CTPS2: variants seen among roughly 807,000 people sequenced by gnomAD.
CTPS2 encodes CTP synthase II.
Under a neutral mutation model 46.8 loss-of-function variants are expected in CTPS2, and 19 were observed. That is an observed-to-expected ratio of 0.41 (90% CI 0.28 to 0.60). The LOEUF (loss-of-function observed/expected upper bound fraction) is 0.60, where lower values mean the gene tolerates loss of function less well. Ranked by LOEUF, CTPS2 falls within the 20% of genes least tolerant of loss-of-function variation. CTPS2 has a pLI of 0.35. For missense variants in CTPS2, 286 were observed against 447.6 expected (o/e 0.64, Z 3.26); for synonymous variants, 151 against 165.2 (o/e 0.91, Z 0.66).
intron 9 of CTPS2, among the ~76,000 whole-genome samples, chrX:16,681,820 A>T (rs968274350): frequency 9.8e-5 from 11 of 111,792 alleles, no homozygotes; most frequent in African/African-American, 3.6e-4. Flanking sequence ...AAGGGCTGGG[A>T]TTACAGGCGT....
intron 13 of CTPS2, among the ~76,000 whole-genome samples, chrX:16,645,215 G>A (rs1366184924): frequency 2.8e-5 from 3 of 106,929 alleles, no homozygotes; most frequent in East Asian, 2.9e-4. Context: ...GGATGGTCTC[G>A]ATCTCCTGAC....
intron 17 of CTPS2, among the ~76,000 whole-genome samples, chrX:16,608,143 G>T (rs1374061492): frequency 9.0e-6 from 1 of 111,096 alleles, no homozygotes; most frequent in Non-Finnish European, 1.9e-5. Context: ...AACCTGGGAG[G>T]TGGAGGTTGC....
At chrX:16,660,218 T>A (rs1932912701) in intron 13 of CTPS2, among the ~76,000 whole-genome samples, 1 of 108,315 alleles carries the variant, frequency 9.2e-6, no homozygotes, top group Non-Finnish European at 1.9e-5. Flanking sequence ...TTTCTTTCTT[T>A]CTTTCTTTCT....
intron 17 of CTPS2, among the ~76,000 whole-genome samples, chrX:16,593,429 A>C (rs1352619435): frequency 4.4e-5 from 4 of 90,200 alleles, no homozygotes; most frequent in Non-Finnish European, 6.4e-5. Context: ...ACTCTGTCTC[A>C]AAAAAAAAAA....
chrX:16,709,848 CAAAAAAAA>C (rs35017705), intron 1 of CTPS2, among the ~76,000 whole-genome samples: 3 of 23,752 alleles, frequency 1.3e-4, no homozygotes, highest in Admixed American at 7.7e-4. Flanking sequence ...ACTCTGTCTC[CAAAAAAAA>C]AAAAAAAAAA....
chrX:16,630,953 T>C (rs1602163452), intron 14 of CTPS2, among the ~76,000 whole-genome samples: 1 of 112,964 alleles, frequency 8.9e-6, no homozygotes, highest in African/African-American at 3.2e-5. Flanking sequence ...CAAAGATATT[T>C]ACTATCTGGT....
intron 15 of CTPS2, 76 bp downstream of exon 15, chrX:16,620,201 G>C (rs1196863729): frequency 1.1e-6 from 1 of 875,283 alleles, no homozygotes; most frequent in African/African-American, 2.0e-5. Flanking sequence ...ACCTTTTCCA[G>C]AGGCTCAGCT....
intron 4 of CTPS2, among the ~76,000 whole-genome samples, chrX:16,694,378 G>T (rs1017975680): frequency 9.0e-6 from 1 of 110,836 alleles, no homozygotes; most frequent in South Asian, 3.8e-4. Context: ...GTCCAAGAGA[G>T]ATGCATCCTC....
chrX:16,678,506 T>C, intron 9 of CTPS2, 56 bp from the exon 10 acceptor site: 1 of 721,664 alleles, frequency 1.4e-6, no homozygotes, highest in Non-Finnish European at 2.1e-6. Flanking sequence ...CACTCAAAAA[T>C]ACTGCAGCCA....
intron 15 of CTPS2, 79 bp from the exon 16 acceptor site, chrX:16,617,325 G>C: frequency 2.9e-6 from 2 of 685,010 alleles, no homozygotes; most frequent in Admixed American, 2.8e-5. Context: ...CAGTTGGGTG[G>C]GTTTTCCATT....
At chrX:16,686,412 GCC>G (rs35172907) in intron 8 of CTPS2, among the ~76,000 whole-genome samples, 23 of 108,305 alleles carry the variant, frequency 2.1e-4, no homozygotes, top group Non-Finnish European at 7.7e-5. Context: ...TTGAATGGTG[GCC>G]CCCCCCCAAA....
At chrX:16,687,474 CA>C (rs35798035) in intron 8 of CTPS2, among the ~76,000 whole-genome samples, 337 of 44,392 alleles carry the variant, frequency 7.6e-3, no homozygotes, top group African/African-American at 0.019. Context: ...CACCCTGTGT[CA>C]AAAAAAAAAA....
intron 1 of CTPS2, among the ~76,000 whole-genome samples, chrX:16,704,821 C>T (rs1458330433): frequency 9.0e-6 from 1 of 110,556 alleles, no homozygotes; most frequent in Non-Finnish European, 1.9e-5. Flanking sequence ...GTGGTGCATG[C>T]CTGTAATCTC....
At chrX:16,657,040 T>C (rs1207280215) in intron 13 of CTPS2, among the ~76,000 whole-genome samples, 4 of 109,972 alleles carry the variant, frequency 3.6e-5, no homozygotes, top group African/African-American at 1.3e-4. Flanking sequence ...TGTGCCACCA[T>C]GACTGGCTAA....
chrX:16,705,506 A>G (rs777661477), intron 1 of CTPS2, among the ~76,000 whole-genome samples: 11 of 112,254 alleles, frequency 9.8e-5, no homozygotes, highest in Non-Finnish European at 1.9e-4. Flanking sequence ...CCATCCCCAA[A>G]GTGAACAGGG....
At chrX:16,665,196 T>C (rs1181098137) in intron 13 of CTPS2, among the ~76,000 whole-genome samples, 1 of 112,241 alleles carries the variant, frequency 8.9e-6, no homozygotes, top group Non-Finnish European at 1.9e-5. Flanking sequence ...GGCAGGAAAT[T>C]AAAATGTTGC....
rs946469095 is a variant in CTPS2, at chrX:16,626,110, G to A, written c.1394-5778C>T. On this transcript the variant is annotated intron_variant, in intron 14 of 18. Coordinates refer to ENST00000359276, the MANE Select transcript of CTPS2 (RefSeq NM_175859.3). ...GAGGCAGAAAATAGAGGCCAGGCAT[G>A]GTGGCTCATGCCTGTAATCCCAGCA... is the stretch of plus-strand genomic sequence containing the variant. Among the ~76,000 whole-genome samples, 3 of 111,568 alleles carry A rather than the reference G, an allele frequency of 2.7e-5. No homozygotes were observed. The East Asian group carries it at 8.4e-4, about 31-fold the overall frequency.
intron 13 of CTPS2, among the ~76,000 whole-genome samples, chrX:16,660,140 T>C (rs1252045402): frequency 2.7e-5 from 3 of 111,740 alleles, no homozygotes; most frequent in Non-Finnish European, 5.6e-5. Context: ...TCCACACTAT[T>C]TTCCGTAATA....
At chrX:16,664,806 G>A (rs1430893733) in intron 13 of CTPS2, among the ~76,000 whole-genome samples, 2 of 111,606 alleles carry the variant, frequency 1.8e-5, no homozygotes, top group East Asian at 5.6e-4. Context: ...GCAGGGGTTA[G>A]GGAGTGATAC....
Sources: allele counts gnomAD v4.1 joint callset (sites outside exome capture counted in the v4.1 genomes callset), GRCh38; gene constraint gnomAD v4.1.1; transcripts MANE v1.5; gene names NCBI Gene and HGNC (gene_info 2026-07-23, HGNC 2026-07-21).